Variants in RBMS1 observed in about 807,000 individuals in gnomAD.
The protein encoded by RBMS1 is RNA-binding motif, single-stranded-interacting protein 1.
Under a neutral mutation model 62.3 loss-of-function variants are expected in RBMS1, and 17 were observed. The ratio of observed to expected loss-of-function variants is 0.27; its 90% CI spans 0.19 to 0.41. RBMS1 has a LOEUF of 0.41. RBMS1 is among the 10% of genes least tolerant of loss of function. The pLI, the probability that RBMS1 is intolerant of heterozygous loss-of-function variation, is 1.00. For missense variants in RBMS1, 334 were observed against 504.5 expected (o/e 0.66, Z 3.24); for synonymous variants, 172 against 170.0 (o/e 1.01, Z -0.09).
In RBMS1 at chr2:160,451,925, T is replaced by TA. The variant is rs565792019; in HGVS notation, c.75+41363dup. On this transcript the variant is annotated intron_variant, in intron 1 of 13. Transcript: ENST00000348849. ...GCGCCTGGCCAATGCAGCAGTATCT[T>TA]AAAAAATCATCCTTTTATTATTTCC... Among the ~76,000 whole-genome samples, 5 of 152,258 alleles carry TA rather than the reference T, an allele frequency of 3.3e-5. No individual in the cohort carries two copies. In the East Asian group the frequency reaches 7.7e-4, roughly 23 times the overall value.
At chr2:160,407,762 T>G (rs1268731920) in intron 1 of RBMS1, 1 of 980,948 alleles carries the variant, frequency 1.0e-6, no homozygotes, top group Non-Finnish European at 1.2e-6. Context: ...CGGGCGAGAC[T>G]CGAGCAGCTC....
chr2:160,456,677 G>A (rs1684246266), intron 1 of RBMS1, among the ~76,000 whole-genome samples: 1 of 152,202 alleles, frequency 6.6e-6, no homozygotes, highest in Non-Finnish European at 1.5e-5. Context: ...TCACCACATG[G>A]AAGCTGAATG....
chr2:160,299,135 G>A (rs1225533129), intron 6 of RBMS1, among the ~76,000 whole-genome samples: 1 of 150,864 alleles, frequency 6.6e-6, no homozygotes, highest in Non-Finnish European at 1.5e-5. Flanking sequence ...TTACCAAGAG[G>A]AATTTCAACC....
chr2:160,335,795 G>A (rs145975885), intron 2 of RBMS1, among the ~76,000 whole-genome samples: 165 of 152,212 alleles, frequency 1.1e-3, no homozygotes, highest in African/African-American at 3.8e-3. Flanking sequence ...GCACATTTAC[G>A]GATTGGTTCC....
intron 1 of RBMS1, among the ~76,000 whole-genome samples, chr2:160,420,697 C>G (rs188166070): frequency 1.6e-3 from 248 of 152,254 alleles, no homozygotes; most frequent in Non-Finnish European, 2.1e-3. Flanking sequence ...TGGCTCACTT[C>G]TACATGATCC....
intron 6 of RBMS1, among the ~76,000 whole-genome samples, chr2:160,299,485 C>G (rs1300489840): frequency 6.6e-6 from 1 of 151,388 alleles, no homozygotes; most frequent in African/African-American, 2.4e-5. Context: ...ATTTTAGTAA[C>G]TGAAAATCAA....
intron 1 of RBMS1, among the ~76,000 whole-genome samples, chr2:160,477,530 G>A (rs919841302): frequency 2.0e-5 from 3 of 151,948 alleles, no homozygotes; most frequent in African/African-American, 7.2e-5. Flanking sequence ...TAGCCTCCAA[G>A]TAGCTGTGAC....
chr2:160,306,509 G>A (rs1010957125), intron 4 of RBMS1, among the ~76,000 whole-genome samples: 1 of 151,742 alleles, frequency 6.6e-6, no homozygotes, highest in Non-Finnish European at 1.5e-5. Flanking sequence ...CGACCCTGTC[G>A]GTTAAAAACC....
rs541640656 is a variant in RBMS1 at position 160,471,397 on chromosome 2, A to G, written c.75+21892T>C. On this transcript the variant is annotated intron_variant, in intron 1 of 13. Transcript: ENST00000348849. ...TGTAAGTATACATATTAAAACTAGG[A>G]GTCTCTAATCTAGAAAAATATTAAT... Among the ~76,000 whole-genome samples, 9 of 152,168 alleles carry G rather than the reference A, an allele frequency of 5.9e-5. No homozygotes were observed. The South Asian group carries it at 1.9e-3, about 32-fold the overall frequency.
intron 1 of RBMS1, among the ~76,000 whole-genome samples, chr2:160,475,250 C>G (rs1299847884): frequency 6.6e-6 from 1 of 152,198 alleles, no homozygotes. Context: ...GATTCCCACA[C>G]TTCATTCGCC....
chr2:160,285,072 A>G (rs376904104), intron 7 of RBMS1, 28 bp from the exon 8 acceptor site: 5 of 1,596,448 alleles, frequency 3.1e-6, no homozygotes, highest in African/African-American at 1.3e-5. Context: ...AAATATAAAC[A>G]TTCATCTAGA....
chr2:160,411,536 A>G (rs1249560901), intron 1 of RBMS1, among the ~76,000 whole-genome samples: 1 of 152,200 alleles, frequency 6.6e-6, no homozygotes, highest in East Asian at 1.9e-4. Context: ...TTCTTCAGAA[A>G]GCTTAAAGGA....
intron 2 of RBMS1, among the ~76,000 whole-genome samples, chr2:160,341,554 T>G (rs1328919234): frequency 6.6e-6 from 1 of 151,986 alleles, no homozygotes; most frequent in Non-Finnish European, 1.5e-5. Flanking sequence ...AATTCAGAAT[T>G]CAGGGCCCAG....
At chr2:160,376,157 T>C (rs547757250) in intron 1 of RBMS1, among the ~76,000 whole-genome samples, 2 of 152,286 alleles carry the variant, frequency 1.3e-5, no homozygotes, top group East Asian at 3.9e-4. Context: ...ACATACTTTC[T>C]CCACATTAAA....
At chr2:160,288,494 T>G (rs1049482953) in intron 6 of RBMS1, among the ~76,000 whole-genome samples, 1 of 152,198 alleles carries the variant, frequency 6.6e-6, no homozygotes, top group South Asian at 2.1e-4. Context: ...GGCTGCTGCC[T>G]GGCACTCCTT....
chr2:160,324,880 GTGTATATATATATA>G (rs1379313146), intron 2 of RBMS1, among the ~76,000 whole-genome samples: 5 of 76,096 alleles, frequency 6.6e-5, no homozygotes, highest in Non-Finnish European at 1.1e-4. Context: ...GTGTGTGTGT[GTGTATATATATATA>G]TATATATATA....
intron 1 of RBMS1, among the ~76,000 whole-genome samples, chr2:160,445,176 G>A (rs1332131448): frequency 6.6e-6 from 1 of 152,180 alleles, no homozygotes; most frequent in Non-Finnish European, 1.5e-5. Flanking sequence ...CTGAGAAACT[G>A]AAACCTTATT....
intron 1 of RBMS1, among the ~76,000 whole-genome samples, chr2:160,471,174 C>T (rs753563636): frequency 6.6e-6 from 1 of 152,032 alleles, no homozygotes; most frequent in African/African-American, 2.4e-5. Flanking sequence ...CCAATATGAA[C>T]CAAAACTCAA....
chr2:160,381,105 A>G (rs893591367), intron 1 of RBMS1, among the ~76,000 whole-genome samples: 3 of 152,072 alleles, frequency 2.0e-5, no homozygotes, highest in African/African-American at 7.2e-5. Flanking sequence ...TGCCTTATAG[A>G]CTCTAACTAA....
Sources: gnomAD v4.1 joint callset for allele counts (sites outside exome capture counted in the v4.1 genomes callset) on GRCh38, gnomAD v4.1.1 for gene constraint, MANE v1.5 for transcripts, NCBI Gene and HGNC (gene_info 2026-07-23, HGNC 2026-07-21) for gene names.